The following TINAG variants were observed in gnomAD, a reference collection of about 807,000 sequenced individuals.
The protein encoded by TINAG is tubulointerstitial nephritis antigen.
Under a neutral mutation model 72.7 loss-of-function variants are expected in TINAG, and 83 were observed. That is an observed-to-expected ratio of 1.14 (90% confidence interval 0.96 to 1.37). TINAG has a LOEUF of 1.37. Ranked by LOEUF, TINAG falls within the 40% of genes most tolerant of loss-of-function variation. The pLI is 0.00. For synonymous variants in TINAG, 234 were observed against 189.9 expected (o/e 1.23, Z -1.91); for missense variants, 685 against 576.6 (o/e 1.19, Z -1.93).
At position 54,326,824 on chromosome 6, in the gene TINAG, C is replaced by A. The variant is rs767717113; in HGVS notation, c.532C>A (p.Gln178Lys). The A allele has an allele frequency of 1.7e-5, 27 of 1,610,554 alleles. No homozygotes were observed. The highest frequency in any genetic ancestry group is 2.1e-5 in the Non-Finnish European group (25 of 1,179,020). Residue 178 changes from glutamine (Q) to lysine (K), a missense_variant, in exon 4 of 11, where the codon CAA (glutamine) becomes AAA (lysine). By Grantham distance (53) the Gln-to-Lys change is moderately conservative. Coordinates refer to ENST00000259782, the MANE Select transcript of TINAG (RefSeq NM_014464.4). ...DYGWTAQNYS[Q>K]FWGMTLEDGF... ...CAGATGGACAGCACAGAATTACAGCCAATTTTGGGGAATGACTTTAGAAGA... is the reference window on the plus strand; with the variant it reads ...CAGATGGACAGCACAGAATTACAGCAAATTTTGGGGAATGACTTTAGAAGA...
chr6:54,314,848 T>C (rs972193586), intron 1 of TINAG, among the ~76,000 whole-genome samples: 2 of 152,160 alleles, frequency 1.3e-5, no homozygotes, highest in African/African-American at 4.8e-5. Context: ...TTTAGGGTCA[T>C]AGTTTATGTA....
chr6:54,315,621 G>A (rs1186489977), intron 1 of TINAG, among the ~76,000 whole-genome samples: 1 of 151,806 alleles, frequency 6.6e-6, no homozygotes, highest in Non-Finnish European at 1.5e-5. Context: ...AGGCTTCTGT[G>A]AGCTATCATT....
chr6:54,368,414 T>C (rs972555267), intron 9 of TINAG, among the ~76,000 whole-genome samples: 5 of 149,508 alleles, frequency 3.3e-5, no homozygotes, highest in African/African-American at 1.2e-4. Context: ...TGTAATTATG[T>C]CAAAAGTATG....
At position 54,329,022 on chromosome 6, in the gene TINAG, C is replaced by T. The variant is rs9349704; in HGVS notation, c.624+2106C>T. Reference sequence around the variant, plus strand: ...GTTGGTGTACCTGAAGGTGACAGGGCGAATAGAACCAAGTTGGAAAACACA... The same window carrying T: ...GTTGGTGTACCTGAAGGTGACAGGGTGAATAGAACCAAGTTGGAAAACACA... On this transcript the variant is annotated intron_variant, in intron 4 of 10. Transcript: ENST00000259782. 9.9e-3 allele frequency among the ~76,000 whole-genome samples: 1,497 copies of T among 151,902 alleles called. 38 individuals carry two copies. The highest frequency in any genetic ancestry group is 0.063 in the East Asian group (323 of 5,146).
intron 4 of TINAG, among the ~76,000 whole-genome samples, chr6:54,340,244 T>C (rs1376689904): frequency 6.6e-6 from 1 of 152,132 alleles, no homozygotes; most frequent in Non-Finnish European, 1.5e-5. Flanking sequence ...GATTAAAATA[T>C]TTTTCAACAT....
intron 4 of TINAG, among the ~76,000 whole-genome samples, chr6:54,340,628 C>T (rs528041843): frequency 1.3e-5 from 2 of 152,132 alleles, no homozygotes; most frequent in South Asian, 4.1e-4. Context: ...CCTGCTGCTC[C>T]TCAAATCCTA....
chr6:54,353,356 G>A (rs1020147705), intron 8 of TINAG, among the ~76,000 whole-genome samples: 2 of 151,858 alleles, frequency 1.3e-5, no homozygotes, highest in African/African-American at 4.8e-5. Context: ...TGCTATAAAT[G>A]TTACAGGATT....
intron 9 of TINAG, among the ~76,000 whole-genome samples, chr6:54,379,972 C>T (rs1247623900): frequency 6.6e-6 from 1 of 151,960 alleles, no homozygotes; most frequent in African/African-American, 2.4e-5. Context: ...ATGGTCCCTT[C>T]CCTGTGCCCA....
intron 10 of TINAG, among the ~76,000 whole-genome samples, chr6:54,384,069 T>G (rs1764025950): frequency 6.6e-6 from 1 of 152,162 alleles, no homozygotes; most frequent in Non-Finnish European, 1.5e-5. Flanking sequence ...TGGATGAAGC[T>G]GGAAACCATC....
chr6:54,331,093 C>T (rs1784729190), intron 4 of TINAG, among the ~76,000 whole-genome samples: 1 of 152,156 alleles, frequency 6.6e-6, no homozygotes, highest in Non-Finnish European at 1.5e-5. Flanking sequence ...GTGACTCCTC[C>T]CTAACTCATT....
intron 10 of TINAG, among the ~76,000 whole-genome samples, chr6:54,386,545 G>T (rs898854869): frequency 1.3e-5 from 2 of 151,998 alleles, no homozygotes; most frequent in African/African-American, 4.8e-5. Context: ...CTTCCATGTG[G>T]CTCCCTCACA....
At chr6:54,349,575 G>A (rs895021969) in intron 6 of TINAG, 141 bp from the exon 7 acceptor site, 17 of 591,452 alleles carry the variant, frequency 2.9e-5, no homozygotes, top group Non-Finnish European at 4.3e-5. Context: ...TTCTGTGTTG[G>A]AGTCACTCAC....
chr6:54,349,053 C>T (rs1439081573), intron 6 of TINAG, among the ~76,000 whole-genome samples: 2 of 151,892 alleles, frequency 1.3e-5, no homozygotes, highest in South Asian at 2.1e-4. Context: ...TTCTACTTTG[C>T]TATGTTTACT....
intron 1 of TINAG, among the ~76,000 whole-genome samples, chr6:54,310,417 TTTTC>T (rs2150926072): frequency 6.6e-6 from 1 of 151,576 alleles, no homozygotes; most frequent in Non-Finnish European, 1.5e-5. Flanking sequence ...TCTGTTTTGT[TTTTC>T]TTTCCTTCCT....
intron 9 of TINAG, among the ~76,000 whole-genome samples, chr6:54,379,932 C>T (rs1331092150): frequency 2.0e-5 from 3 of 151,994 alleles, no homozygotes; most frequent in African/African-American, 7.3e-5. Context: ...CCTCCCTAGC[C>T]CCCGACCCCC....
At chr6:54,358,355 A>T (rs1276438574) in intron 9 of TINAG, among the ~76,000 whole-genome samples, 2 of 151,884 alleles carry the variant, frequency 1.3e-5, no homozygotes, top group Non-Finnish European at 2.9e-5. Flanking sequence ...ATGACGTTCC[A>T]TGAGAGCTGG....
At chr6:54,334,175 G>A (rs777745011) in intron 4 of TINAG, among the ~76,000 whole-genome samples, 2 of 152,176 alleles carry the variant, frequency 1.3e-5, no homozygotes, top group Non-Finnish European at 2.9e-5. Flanking sequence ...TTCCAGTTGA[G>A]ATATTGATTG....
At chr6:54,312,978 C>T (rs1738606244) in intron 1 of TINAG, among the ~76,000 whole-genome samples, 2 of 152,080 alleles carry the variant, frequency 1.3e-5, no homozygotes, top group South Asian at 4.1e-4. Context: ...ATTTTTGCTC[C>T]ATATACAACT....
At chr6:54,355,987 CA>C (rs1353598664) in intron 9 of TINAG, among the ~76,000 whole-genome samples, 2 of 151,744 alleles carry the variant, frequency 1.3e-5, no homozygotes, top group Admixed American at 1.3e-4. Flanking sequence ...ATAAAAATGC[CA>C]GTTTCTCAAC....
Sources: gnomAD v4.1 joint callset for allele counts (sites outside exome capture counted in the v4.1 genomes callset) on GRCh38, gnomAD v4.1.1 for gene constraint, MANE v1.5 for transcripts, NCBI Gene and HGNC (gene_info 2026-07-23, HGNC 2026-07-21) for gene names.